The following VEPH1 variants were observed in gnomAD, a reference collection of about 807,000 sequenced individuals.
VEPH1 encodes the protein ventricular zone-expressed PH domain-containing protein homolog 1.
VEPH1 carries 80 observed loss-of-function variants against 85.2 expected under a neutral mutation model. That is an observed-to-expected ratio of 0.94 (90% CI 0.78 to 1.13). The LOEUF (loss-of-function observed/expected upper bound fraction) is 1.13. Among genes scored for constraint, VEPH1 ranks in the 50% most tolerant of loss-of-function variants. The probability of loss-of-function intolerance (pLI) is 0.00; values close to 1 mark genes in which losing one functional copy is unlikely to be tolerated. For synonymous variants in VEPH1, 297 were observed against 348.0 expected (o/e 0.85, Z 1.63); for missense variants, 955 against 980.5 (o/e 0.97, Z 0.35).
intron 13 of VEPH1, 64 bp from the exon 14 acceptor site, chr3:157,261,434 C>T (rs993961296): frequency 1.3e-6 from 2 of 1,577,532 alleles, no homozygotes; most frequent in Admixed American, 3.7e-5. Context: ...TCTCTGGCTA[C>T]TGGAGAACTT....
Position 157,437,408 on chromosome 3 carries a change from A to G in VEPH1, c.530-8920T>C. On this transcript the variant is annotated intron_variant, in intron 4 of 13. Coordinates refer to ENST00000362010, the MANE Select transcript of VEPH1 (RefSeq NM_001167912.2). ...TGTCCTTAAAGGGAAGGGGAATGCC[A>G]GGAACGGGCTGCAACTTGGCACCAC... 3 of 1,376,944 alleles carry G rather than the reference A, an allele frequency of 2.2e-6. No individual in the cohort carries two copies. In the South Asian group the frequency reaches 3.8e-5, roughly 17 times the overall value. 85.3% of individuals were successfully genotyped at this position (1,376,944 alleles called of 1,614,324 possible). A position where few individuals can be genotyped will look rare whatever the true frequency, so the allele number is the denominator to read the frequency against.
At chr3:157,486,599 T>G (rs1212177776) in intron 2 of VEPH1, among the ~76,000 whole-genome samples, 2 of 152,124 alleles carry the variant, frequency 1.3e-5, no homozygotes, top group African/African-American at 2.4e-5. Context: ...CTTGGTAAAG[T>G]TACATTATTA....
In VEPH1 at chr3:157,261,038, A is replaced by C. The variant is rs985126840; in HGVS notation, c.*96T>G. On this transcript the variant is annotated 3_prime_UTR_variant, in exon 14 of 14. Transcript: ENST00000362010. ...CAATTCCATTGGTATTTAGTAAAAA[A>C]CAACATGGCTTGGTAAATTTAGCTC... 1.3e-6 allele frequency: 2 copies of C among 1,515,744 alleles called. No homozygotes were observed. Among genetic ancestry groups the C allele is most frequent in the Non-Finnish European group, 1.8e-6 (2 of 1,127,972 alleles). 93.9% of individuals were successfully genotyped at this position (1,515,744 alleles called of 1,614,324 possible).
chr3:157,477,196 T>TG (rs1737557812), intron 2 of VEPH1, among the ~76,000 whole-genome samples: 1 of 150,700 alleles, frequency 6.6e-6, no homozygotes, highest in African/African-American at 2.5e-5. Context: ...GGGCATTTTT[T>TG]TTTTTTTTAA....
At position 157,304,038 on chromosome 3, in the gene VEPH1, T is replaced by TATATATATATATATATATATATAC; in HGVS notation, c.2010+9582_2010+9583insGTATATATATATATATATATATAT. Among the ~76,000 whole-genome samples the TATATATATATATATATATATATAC allele has an allele frequency of 2.9e-3, 283 of 96,836 alleles. 4 individuals are homozygous for TATATATATATATATATATATATAC. Among genetic ancestry groups the TATATATATATATATATATATATAC allele is most frequent in the Admixed American group, 6.2e-3 (43 of 6,966 alleles). 63.5% of individuals were successfully genotyped at this position (96,836 alleles called of 152,430 possible). ...CTTATATTTTTTATATATATATATA[T>TATATATATATATATATATATATAC]ACACACATACTGTTACATCTTATAT... On this transcript the variant is annotated intron_variant, in intron 11 of 13. Coordinates refer to ENST00000362010, the MANE Select transcript of VEPH1 (RefSeq NM_001167912.2).
chr3:157,464,939 A>G (rs1310098488), intron 3 of VEPH1, among the ~76,000 whole-genome samples: 1 of 152,234 alleles, frequency 6.6e-6, no homozygotes, highest in African/African-American at 2.4e-5. Context: ...TTGGATTTAC[A>G]TATAAAATGG....
At chr3:157,442,622 C>T (rs1560065929) in intron 4 of VEPH1, 1 of 1,614,124 alleles carries the variant, frequency 6.2e-7, no homozygotes, top group African/African-American at 1.3e-5. Context: ...CCATGGTTTC[C>T]CTGGGAAGGT....
intron 5 of VEPH1, among the ~76,000 whole-genome samples, chr3:157,420,994 C>T (rs1732292476): frequency 6.6e-6 from 1 of 152,188 alleles, no homozygotes; most frequent in Admixed American, 6.5e-5. Context: ...AAGTTGATCA[C>T]CCAGCCTTTT....
intron 2 of VEPH1, among the ~76,000 whole-genome samples, chr3:157,479,272 A>ATC (rs1278351570): frequency 6.6e-6 from 1 of 152,232 alleles, no homozygotes; most frequent in Non-Finnish European, 1.5e-5. Flanking sequence ...AGCCAGACTT[A>ATC]GAGAGTCATT....
intron 11 of VEPH1, among the ~76,000 whole-genome samples, chr3:157,309,732 T>C (rs1013252166): frequency 6.6e-5 from 10 of 152,038 alleles, no homozygotes; most frequent in African/African-American, 2.4e-4. Flanking sequence ...GAGATTGATA[T>C]ATAGTTTGCA....
At chr3:157,423,235 A>G (rs1337821936) in intron 5 of VEPH1, among the ~76,000 whole-genome samples, 1 of 152,356 alleles carries the variant, frequency 6.6e-6, no homozygotes, top group Middle Eastern at 3.4e-3. Context: ...TGAAAGAAAC[A>G]GTCGTGCAAA....
chr3:157,415,463 C>T (rs1172183456), intron 5 of VEPH1, among the ~76,000 whole-genome samples: 1 of 152,168 alleles, frequency 6.6e-6, no homozygotes, highest in Non-Finnish European at 1.5e-5. Context: ...GAAGGCCTCT[C>T]TCAGCGGGAC....
intron 11 of VEPH1, among the ~76,000 whole-genome samples, chr3:157,305,746 G>A (rs1247666701): frequency 1.3e-5 from 2 of 152,130 alleles, no homozygotes; most frequent in African/African-American, 4.8e-5. Context: ...TCTTGCTCAA[G>A]CCAGCACTGA....
At chr3:157,291,239 A>T (rs1249931923) in intron 11 of VEPH1, among the ~76,000 whole-genome samples, 9 of 152,226 alleles carry the variant, frequency 5.9e-5, no homozygotes. Flanking sequence ...TCACATAATA[A>T]TAAGTTTATG....
intron 4 of VEPH1, 89 bp downstream of exon 4, chr3:157,460,092 T>C (rs779879701): frequency 5.0e-6 from 8 of 1,612,156 alleles, no homozygotes; most frequent in Non-Finnish European, 8.5e-7. Context: ...ATACTCTAGG[T>C]CTTGCTTCCC....
intron 6 of VEPH1, among the ~76,000 whole-genome samples, chr3:157,397,798 C>A (rs961791601): frequency 6.6e-6 from 1 of 152,198 alleles, no homozygotes; most frequent in Non-Finnish European, 1.5e-5. Flanking sequence ...CCATTGGCTA[C>A]AGCCCATGTA....
At chr3:157,348,011 T>TG (rs920950026) in intron 9 of VEPH1, among the ~76,000 whole-genome samples, 1 of 152,176 alleles carries the variant, frequency 6.6e-6, no homozygotes, top group African/African-American at 2.4e-5. Flanking sequence ...TGTCCCACAC[T>TG]GGGGGTCCAT....
intron 9 of VEPH1, among the ~76,000 whole-genome samples, chr3:157,352,546 A>AAT (rs1724979806): frequency 6.6e-6 from 1 of 152,234 alleles, no homozygotes; most frequent in African/African-American, 2.4e-5. Flanking sequence ...AACTATGAAC[A>AAT]ATCTGGCTTA....
intron 12 of VEPH1, among the ~76,000 whole-genome samples, chr3:157,279,063 G>T (rs1715747728): frequency 6.6e-6 from 1 of 152,106 alleles, no homozygotes; most frequent in South Asian, 2.1e-4. Flanking sequence ...TGCCTTAGAA[G>T]CAGTCAAGTA....
Sources: gnomAD v4.1 joint callset for allele counts (sites outside exome capture counted in the v4.1 genomes callset) on GRCh38, gnomAD v4.1.1 for gene constraint, MANE v1.5 for transcripts, NCBI Gene and HGNC (gene_info 2026-07-23, HGNC 2026-07-21) for gene names.